ARHGAP20: variants seen among roughly 807,000 people sequenced by gnomAD.
The protein encoded by ARHGAP20 is Rho GTPase activating protein 20, also known as rho GTPase-activating protein 20.
In ARHGAP20, 34 loss-of-function variants were observed where a neutral mutation model predicts 73.7. The observed-to-expected ratio is 0.46, with a 90% CI of 0.35 to 0.61. The LOEUF is 0.61. Ranked by LOEUF, ARHGAP20 falls within the 20% of genes least tolerant of loss-of-function variation. ARHGAP20 has a pLI of 0.00. For missense variants in ARHGAP20, 1,314 were observed against 1,420.9 expected (o/e 0.92, Z 1.21); for synonymous variants, 523 against 518.2 (o/e 1.01, Z -0.13).
intron 9 of ARHGAP20, among the ~76,000 whole-genome samples, chr11:110,595,630 A>T (rs1376979130): frequency 2.0e-5 from 3 of 152,246 alleles, no homozygotes; most frequent in East Asian, 1.9e-4. Context: ...ACCACTGCCC[A>T]ATGAAATAAA....
At chr11:110,669,301 C>T (rs977363481) in intron 2 of ARHGAP20, among the ~76,000 whole-genome samples, 9 of 152,166 alleles carry the variant, frequency 5.9e-5, no homozygotes, top group Non-Finnish European at 1.3e-4. Flanking sequence ...TAGAAAGCCA[C>T]TACTCATATT....
intron 1 of ARHGAP20, chr11:110,711,888 C>T: frequency 7.7e-7 from 1 of 1,306,670 alleles, no homozygotes; most frequent in Non-Finnish European, 9.7e-7. Flanking sequence ...TGCGAGGTCG[C>T]TCGAGGAGAG....
intron 14 of ARHGAP20, among the ~76,000 whole-genome samples, chr11:110,581,589 A>AC (rs1251933564): frequency 1.1e-4 from 17 of 152,210 alleles, no homozygotes; most frequent in African/African-American, 3.9e-4. Flanking sequence ...TACATACTTA[A>AC]CACTAGTCTT....
chr11:110,590,004 C>G (rs1947781184), intron 11 of ARHGAP20, among the ~76,000 whole-genome samples: 1 of 151,766 alleles, frequency 6.6e-6, no homozygotes. Context: ...GCTTGTAATC[C>G]CAGCTACTCA....
At chr11:110,639,238 AC>A (rs11375397) in intron 2 of ARHGAP20, among the ~76,000 whole-genome samples, 7,685 of 141,466 alleles carry the variant, frequency 0.054, 556 homozygotes, top group African/African-American at 0.16. Flanking sequence ...TTTATTCGAT[AC>A]CCCCCCCCCA....
chr11:110,578,194 C>A lies in ARHGAP20; in HGVS notation c.*1176G>T, dbSNP rs921269893. ...ATAAAATAAACCAATGGGGTATAAGCCATGAAACATTTGGGGCAAAAATAT... is the reference window on the plus strand; with the variant it reads ...ATAAAATAAACCAATGGGGTATAAGACATGAAACATTTGGGGCAAAAATAT... On this transcript the variant is annotated 3_prime_UTR_variant, in exon 15 of 15. Transcript: ENST00000683387. 7.2e-5 allele frequency: 71 copies of A among 985,306 alleles called. No homozygotes were observed. The highest frequency in any genetic ancestry group is 8.2e-5 in the Non-Finnish European group (68 of 829,944). The allele number at this position is 985,306 out of a possible 1,614,324, so 61.0% of individuals were successfully genotyped here. A position where few individuals can be genotyped will look rare whatever the true frequency, so the allele number is the denominator to read the frequency against.
At chr11:110,596,981 G>A (rs1185943265) in intron 9 of ARHGAP20, among the ~76,000 whole-genome samples, 1 of 149,598 alleles carries the variant, frequency 6.7e-6, no homozygotes, top group African/African-American at 2.6e-5. Flanking sequence ...ATGAGTTCAT[G>A]TCCTTTGTAG....
rs1478362119 is a variant in ARHGAP20 at position 110,581,915 on chromosome 11, C to T, written c.1720+406G>A. Among the ~76,000 whole-genome samples the T allele has an allele frequency of 6.2e-5, 6 of 96,528 alleles. No homozygotes were observed. In the Admixed American group the frequency reaches 8.4e-4, roughly 14 times the overall value. 63.3% of individuals were successfully genotyped at this position (96,528 alleles called of 152,430 possible). A position where few individuals can be genotyped will look rare whatever the true frequency, so the allele number is the denominator to read the frequency against. On this transcript the variant is annotated intron_variant, in intron 14 of 14. Transcript: ENST00000683387. Reference sequence around the variant, plus strand: ...TTCTGACGTGTCTGAGGGACCAGTACAAGGAAGGAGAGGACAAAAAAAAAA... The same window carrying T: ...TTCTGACGTGTCTGAGGGACCAGTATAAGGAAGGAGAGGACAAAAAAAAAA...
chr11:110,638,249 T>G (rs75455163), intron 2 of ARHGAP20, among the ~76,000 whole-genome samples: 196 of 152,136 alleles, frequency 1.3e-3, no homozygotes, highest in African/African-American at 4.4e-3. Flanking sequence ...AAAGTGTATA[T>G]GAAATATAAA....
At chr11:110,649,201 C>CTTTTT (rs869156175) in intron 2 of ARHGAP20, among the ~76,000 whole-genome samples, 23 of 87,104 alleles carry the variant, frequency 2.6e-4, no homozygotes, top group African/African-American at 4.5e-4. Flanking sequence ...ATTATTAAAC[C>CTTTTT]TTTTTTTTTT....
chr11:110,686,513 T>C (rs539364113), intron 2 of ARHGAP20, among the ~76,000 whole-genome samples: 42 of 152,280 alleles, frequency 2.8e-4, no homozygotes, highest in African/African-American at 9.4e-4. Flanking sequence ...CAAATATGTA[T>C]TACTTTTGTC....
chr11:110,685,190 A>G (rs568989801), intron 2 of ARHGAP20, among the ~76,000 whole-genome samples: 1 of 135,926 alleles, frequency 7.4e-6, no homozygotes, highest in African/African-American at 3.1e-5. Context: ...TTATATGACC[A>G]TAAAATTAGA....
intron 2 of ARHGAP20, among the ~76,000 whole-genome samples, chr11:110,679,751 AG>A (rs1230536785): frequency 6.6e-6 from 1 of 152,214 alleles, no homozygotes; most frequent in Admixed American, 6.5e-5. Flanking sequence ...AGGGTCACAT[AG>A]TGCTAGAGCA....
chr11:110,577,220 C>A lies in ARHGAP20; in HGVS notation c.*2150G>T. 1 of 1,509,412 alleles carries A rather than the reference C, an allele frequency of 6.6e-7. No individual in the cohort carries two copies. Among genetic ancestry groups the A allele is most frequent in the South Asian group, 1.2e-5 (1 of 80,252 alleles). 93.5% of individuals were successfully genotyped at this position (1,509,412 alleles called of 1,614,324 possible). A position where few individuals can be genotyped will look rare whatever the true frequency, so the allele number is the denominator to read the frequency against. ...GTAAAATTTGTCAAGATATATTATA[C>A]AAACTCAAAGCATTTTAGATAAAGC... On this transcript the variant is annotated 3_prime_UTR_variant, in exon 15 of 15. Coordinates refer to ENST00000683387, the MANE Select transcript of ARHGAP20 (RefSeq NM_001384657.1).
In ARHGAP20 at chr11:110,624,294, T is replaced by G; in HGVS notation, c.371A>C (p.Lys124Thr). The change falls in exon 4 of 15, where the codon AAG becomes ACG. Residue 124 changes from lysine to threonine, a missense_variant. Physicochemically the swap from Lys to Thr is moderately conservative, Grantham distance 78. This residue lies in a region of ARHGAP20 where 443 missense variants were observed against 466.4 expected (regional missense o/e 0.95). Coordinates refer to ENST00000683387, the MANE Select transcript of ARHGAP20 (RefSeq NM_001384657.1). Reference sequence around the variant, plus strand: ...AGTTAATTTAATTTTATTTTTTATCTTAAAGTTATTGTTATATCTAGAAAG... The same window carrying G: ...AGTTAATTTAATTTTATTTTTTATCGTAAAGTTATTGTTATATCTAGAAAG... ...VAKIKYNNNF[K>T]IKNKIKLTDM... is the part of the protein sequence containing the mutation. 6.3e-7 allele frequency: 1 copy of G among 1,575,546 alleles called. No individual in the cohort carries two copies. The highest frequency in any genetic ancestry group is 8.6e-7 in the Non-Finnish European group (1 of 1,163,230).
intron 9 of ARHGAP20, among the ~76,000 whole-genome samples, chr11:110,601,825 A>G (rs976106616): frequency 1.3e-5 from 2 of 150,906 alleles, no homozygotes; most frequent in African/African-American, 5.0e-5. Context: ...CTCTACTAAA[A>G]ATACAAAAAA....
At chr11:110,613,476 C>A (rs1478321208) in intron 6 of ARHGAP20, among the ~76,000 whole-genome samples, 1 of 152,136 alleles carries the variant, frequency 6.6e-6, no homozygotes, top group Non-Finnish European at 1.5e-5. Context: ...GAGCACCCAA[C>A]CTGACCATAT....
rs35306856 is a variant in ARHGAP20 at position 110,577,471 on chromosome 11, GAAAA to G, written c.*1895_*1898del. ...TGAATGATTTTTTACCTGCTAACAT[GAAAA>G]AAAAAAAAAAGGCAATTTCTTCCAG... is the stretch of plus-strand genomic sequence containing the variant. On this transcript the variant is annotated 3_prime_UTR_variant, in exon 15 of 15. Coordinates refer to ENST00000683387, the MANE Select transcript of ARHGAP20 (RefSeq NM_001384657.1). 3.6e-5 allele frequency: 33 copies of G among 906,440 alleles called. No homozygotes were observed. The highest frequency in any genetic ancestry group is 1.0e-4 in the East Asian group (1 of 9,584). 56.1% of individuals were successfully genotyped at this position (906,440 alleles called of 1,614,324 possible).
Position 110,579,888 on chromosome 11 carries a change from T to C in ARHGAP20, c.3058A>G (p.Thr1020Ala). Residue 1020 changes from threonine (T) to alanine (A), a missense_variant, in exon 15 of 15, where the codon ACC becomes GCC. Coordinates refer to ENST00000683387, the MANE Select transcript of ARHGAP20 (RefSeq NM_001384657.1). ...CSRPAYTKKDTMEWHSQMHSV... is the reference protein window; with the variant it reads ...CSRPAYTKKDAMEWHSQMHSV... ...TGCATTTGTGAATGCCACTCCATGG[T>C]GTCCTTCTTTGTATAGGCTGGGCGG... 1 of 1,614,238 alleles carries C rather than the reference T, an allele frequency of 6.2e-7. No individual in the cohort carries two copies. Among genetic ancestry groups the C allele is most frequent in the Non-Finnish European group, 8.5e-7 (1 of 1,180,036 alleles).
Sources: gnomAD v4.1 joint callset for allele counts (sites outside exome capture counted in the v4.1 genomes callset) on GRCh38, gnomAD v4.1.1 for gene constraint, gnomAD v4.1.1 regional missense constraint, MANE v1.5 for transcripts, NCBI Gene and HGNC (gene_info 2026-07-23, HGNC 2026-07-21) for gene names.